Variants in GEMIN6 observed in about 807,000 individuals in gnomAD.
GEMIN6 encodes the protein gem nuclear organelle associated protein 6.
A neutral mutation model predicts 14.1 loss-of-function variants in GEMIN6; 13 were observed. The observed-to-expected ratio is 0.92, with a 90% confidence interval of 0.60 to 1.46. GEMIN6 has a LOEUF of 1.46. Ranked by LOEUF, GEMIN6 falls within the 40% of genes most tolerant of loss-of-function variation. The pLI, the probability that GEMIN6 is intolerant of heterozygous loss-of-function variation, is 0.00. For missense variants in GEMIN6, 271 were observed against 202.4 expected (o/e 1.34, Z -2.06); for synonymous variants, 87 against 70.0 (o/e 1.24, Z -1.21).
At chr2:38,780,553 C>T (rs989442541) in intron 2 of GEMIN6, among the ~76,000 whole-genome samples, 2 of 148,326 alleles carry the variant, frequency 1.3e-5, no homozygotes, top group Admixed American at 1.4e-4. Flanking sequence ...TTAGCCAGGA[C>T]GGTCTCCATT....
In GEMIN6 at chr2:38,783,115, C is replaced by G. The variant is rs1279185973; in HGVS notation, c.*1223C>G. ...AAACTCCCGACCTCAGGTGATCCGC[C>G]CGCCTCGGCCTCCCAAAGTTCTGGG... On this transcript the variant is annotated 3_prime_UTR_variant, in exon 3 of 3. Coordinates refer to ENST00000281950, the MANE Select transcript of GEMIN6 (RefSeq NM_024775.10). 1 of 152,336 alleles carries G rather than the reference C, an allele frequency of 6.6e-6. No homozygotes were observed. The highest frequency in any genetic ancestry group is 1.5e-5 in the Non-Finnish European group (1 of 68,252). The allele number at this position is 152,336 out of a possible 1,614,324, so 9.4% of individuals were successfully genotyped here.
rs1351228130 is a variant in GEMIN6, at chr2:38,783,639, T to G, written c.*1747T>G. ...GCCATGTCCAGCTGTAAGAAATATT[T>G]TAAAATATTTAAGCTTCAGGGCCTT... On this transcript the variant is annotated 3_prime_UTR_variant, in exon 3 of 3. Transcript: ENST00000281950. The G allele has an allele frequency of 2.0e-5, 3 of 152,126 alleles. No individual in the cohort carries two copies. The highest frequency in any genetic ancestry group is 2.0e-4 in the Admixed American group (3 of 15,244). 9.4% of individuals were successfully genotyped at this position (152,126 alleles called of 1,614,324 possible). A position where few individuals can be genotyped will look rare whatever the true frequency, so the allele number is the denominator to read the frequency against.
Position 38,784,845 on chromosome 2 carries a change from T to G in GEMIN6, c.*2953T>G, listed in dbSNP as rs1332082050. On this transcript the variant is annotated 3_prime_UTR_variant, in exon 3 of 3. Coordinates refer to ENST00000281950, the MANE Select transcript of GEMIN6 (RefSeq NM_024775.10). ...GTTTCACTCACCTGTTTCCAGTGCC[T>G]CCTTTGGGCTGTCAGCATCTGTGAT... is the stretch of plus-strand genomic sequence containing the variant. 1 of 152,218 alleles carries G rather than the reference T, an allele frequency of 6.6e-6. No individual in the cohort carries two copies. The highest frequency in any genetic ancestry group is 2.4e-5 in the African/African-American group (1 of 41,458). 9.4% of individuals were successfully genotyped at this position (152,218 alleles called of 1,614,324 possible).
chr2:38,784,398 G>C lies in GEMIN6; in HGVS notation c.*2506G>C, dbSNP rs1308029529. On this transcript the variant is annotated 3_prime_UTR_variant, in exon 3 of 3. Transcript: ENST00000281950. ...CTACTAAAAAAAAAAAAAATAGCTG[G>C]GTGTGGTGGTGAGCGCCTATAATCT... 2 of 152,042 alleles carry C rather than the reference G, an allele frequency of 1.3e-5. No individual in the cohort carries two copies. Among genetic ancestry groups the C allele is most frequent in the Non-Finnish European group, 2.9e-5 (2 of 68,022 alleles). 9.4% of individuals were successfully genotyped at this position (152,042 alleles called of 1,614,324 possible).
intron 2 of GEMIN6, among the ~76,000 whole-genome samples, chr2:38,779,734 G>A (rs1183443161): frequency 7.7e-6 from 1 of 129,272 alleles, no homozygotes; most frequent in Non-Finnish European, 1.6e-5. Flanking sequence ...AGGCTGGAGT[G>A]GTGCAGTTAC....
At chr2:38,779,191 A>G in intron 2 of GEMIN6, 73 bp downstream of exon 2, 5 of 1,390,876 alleles carry the variant, frequency 3.6e-6, no homozygotes, top group Non-Finnish European at 3.9e-6. Flanking sequence ...ACAAACTAAG[A>G]AAGCAGATAA....
At chr2:38,779,691 T>TTTTC (rs1669038539) in intron 2 of GEMIN6, among the ~76,000 whole-genome samples, 2 of 117,144 alleles carry the variant, frequency 1.7e-5, no homozygotes, top group African/African-American at 6.6e-5. Flanking sequence ...TTTTTTTTTT[T>TTTTC]CGGGGGTGGG....
At position 38,784,234 on chromosome 2, in the gene GEMIN6, G is replaced by C. The variant is rs1014240605; in HGVS notation, c.*2342G>C. On this transcript the variant is annotated 3_prime_UTR_variant, in exon 3 of 3. Coordinates refer to ENST00000281950, the MANE Select transcript of GEMIN6 (RefSeq NM_024775.10). Reference sequence around the variant, plus strand: ...GCAAGGAAATGACTGACAAGATGAGGGAGGCCTTTGAAAAGGAAGAAGCCA... The same window carrying C: ...GCAAGGAAATGACTGACAAGATGAGCGAGGCCTTTGAAAAGGAAGAAGCCA... 1 of 152,246 alleles carries C rather than the reference G, an allele frequency of 6.6e-6. No individual in the cohort carries two copies. The highest frequency in any genetic ancestry group is 1.5e-5 in the Non-Finnish European group (1 of 68,182). 9.4% of individuals were successfully genotyped at this position (152,246 alleles called of 1,614,324 possible). A position where few individuals can be genotyped will look rare whatever the true frequency, so the allele number is the denominator to read the frequency against.
chr2:38,782,057 T>A lies in GEMIN6; in HGVS notation c.*165T>A, dbSNP rs1434758872. 2 of 625,990 alleles carry A rather than the reference T, an allele frequency of 3.2e-6. No homozygotes were observed. Among genetic ancestry groups the A allele is most frequent in the Non-Finnish European group, 2.6e-6 (1 of 384,202 alleles). The allele number at this position is 625,990 out of a possible 1,614,324, so 38.8% of individuals were successfully genotyped here. A position where few individuals can be genotyped will look rare whatever the true frequency, so the allele number is the denominator to read the frequency against. On this transcript the variant is annotated 3_prime_UTR_variant, in exon 3 of 3. Transcript: ENST00000281950. ...GAGTGGGTTATAAGTGCTAATTTCC[T>A]TGGGAAATTAATGAACTAGGGCAAG...
intron 2 of GEMIN6, 65 bp from the exon 3 acceptor site, chr2:38,781,452 G>C: frequency 7.0e-7 from 1 of 1,427,692 alleles, no homozygotes; most frequent in Non-Finnish European, 9.5e-7. Context: ...AGAGTAGAGT[G>C]TCATCTATTA....
rs770440062 is a variant in GEMIN6, at chr2:38,784,814, C to A, written c.*2922C>A. 1 of 152,168 alleles carries A rather than the reference C, an allele frequency of 6.6e-6. No individual in the cohort carries two copies. The highest frequency in any genetic ancestry group is 2.1e-4 in the South Asian group (1 of 4,832). The allele number at this position is 152,168 out of a possible 1,614,324, so 9.4% of individuals were successfully genotyped here. A position where few individuals can be genotyped will look rare whatever the true frequency, so the allele number is the denominator to read the frequency against. ...GCTAATTCCTCAGCTAAGATTCTCC[C>A]CAGGAGTTTCACTCACCTGTTTCCA... On this transcript the variant is annotated 3_prime_UTR_variant, in exon 3 of 3. Coordinates refer to ENST00000281950, the MANE Select transcript of GEMIN6 (RefSeq NM_024775.10).
At position 38,781,755 on chromosome 2, in the gene GEMIN6, G is replaced by C; in HGVS notation, c.367G>C (p.Ala123Pro). 1 of 1,614,124 alleles carries C rather than the reference G, an allele frequency of 6.2e-7. No homozygotes were observed. The change falls in exon 3 of 3, where the codon GCT becomes CCT. Residue 123 changes from alanine (A) to proline (P), a missense_variant. By Grantham distance (27) the Ala-to-Pro change is conservative. Transcript: ENST00000281950. ...NHIPITEQGD[A>P]PRTLCVAGVL... Reference sequence around the variant, plus strand: ...CATCCCCATCACTGAACAGGGAGACGCTCCAAGGACTCTCTGTGTGGCTGG... The same window carrying C: ...CATCCCCATCACTGAACAGGGAGACCCTCCAAGGACTCTCTGTGTGGCTGG...
At chr2:38,781,411 G>A (rs1468911706) in intron 2 of GEMIN6, 106 bp from the exon 3 acceptor site, 13 of 1,119,380 alleles carry the variant, frequency 1.2e-5, no homozygotes, top group Non-Finnish European at 1.5e-5. Context: ...ATAAATGGAA[G>A]CATTCATTGG....
intron 2 of GEMIN6, chr2:38,779,479 C>T (rs1313589794): frequency 7.9e-6 from 2 of 253,090 alleles, no homozygotes; most frequent in Non-Finnish European, 1.6e-5. Context: ...GATCTGCCCA[C>T]CTTAGCGTCA....
chr2:38,779,240 T>G (rs747652117), intron 2 of GEMIN6, 122 bp downstream of exon 2: 3 of 1,098,648 alleles, frequency 2.7e-6, no homozygotes, highest in Non-Finnish European at 3.9e-6. Context: ...ATAAGAATTT[T>G]TTGTTTGTTT....
In GEMIN6 at chr2:38,782,208, A is replaced by G. The variant is rs967067793; in HGVS notation, c.*316A>G. The G allele has an allele frequency of 4.9e-5, 10 of 204,218 alleles. No homozygotes were observed. The highest frequency in any genetic ancestry group is 7.1e-5 in the African/African-American group (3 of 42,532). 12.7% of individuals were successfully genotyped at this position (204,218 alleles called of 1,614,324 possible). On this transcript the variant is annotated 3_prime_UTR_variant, in exon 3 of 3. Transcript: ENST00000281950. ...TGCCAGGTTTGAGTGCAGTGGCGCA[A>G]TCTCAGCTCAGTGCAACCTCCGCCT...
chr2:38,779,662 ATATTT>A (rs1669036309), intron 2 of GEMIN6, among the ~76,000 whole-genome samples: 3 of 26,750 alleles, frequency 1.1e-4, no homozygotes, highest in African/African-American at 3.9e-4. Context: ...ATATATATAT[ATATTT>A]TTTTTTTTTT....
rs141104490 is a variant in GEMIN6, at chr2:38,781,759, C to T, written c.371C>T (p.Pro124Leu). 23 of 1,614,020 alleles carry T rather than the reference C, an allele frequency of 1.4e-5. No individual in the cohort carries two copies. Among genetic ancestry groups the T allele is most frequent in the African/African-American group, 2.7e-5 (2 of 74,918 alleles). The change falls in exon 3 of 3, where the codon CCA (proline) becomes CTA (leucine). Residue 124 changes from proline (P) to leucine (L), a missense_variant. Transcript: ENST00000281950. Reference sequence around the variant, plus strand: ...CCCATCACTGAACAGGGAGACGCTCCAAGGACTCTCTGTGTGGCTGGGGTC... The same window carrying T: ...CCCATCACTGAACAGGGAGACGCTCTAAGGACTCTCTGTGTGGCTGGGGTC... ...HIPITEQGDA[P>L]RTLCVAGVLT...
chr2:38,779,306 T>C (rs1400074289), intron 2 of GEMIN6, 188 bp downstream of exon 2: 1 of 603,032 alleles, frequency 1.7e-6, no homozygotes, highest in East Asian at 3.7e-5. Flanking sequence ...TCTCGGCTCT[T>C]TGTAACCTCC....
Sources: allele counts gnomAD v4.1 joint callset (sites outside exome capture counted in the v4.1 genomes callset), GRCh38; gene constraint gnomAD v4.1.1; transcripts MANE v1.5; gene names NCBI Gene and HGNC (gene_info 2026-07-23, HGNC 2026-07-21).